HPS3: variants seen among roughly 807,000 people sequenced by gnomAD.
The protein encoded by HPS3 is HPS3 biogenesis of lysosomal organelles complex 2 subunit 1.
In HPS3, 79 loss-of-function variants were observed where a neutral mutation model predicts 110.9. The ratio of observed to expected loss-of-function variants is 0.71; its 90% CI spans 0.59 to 0.86. HPS3 has a LOEUF of 0.86. HPS3 is among the 40% of genes least tolerant of loss of function. The probability of loss-of-function intolerance (pLI) is 0.00; values close to 1 mark genes in which losing one functional copy is unlikely to be tolerated. For missense variants in HPS3, 1,197 were observed against 1,206.2 expected (o/e 0.99, Z 0.11); for synonymous variants, 428 against 451.0 (o/e 0.95, Z 0.65).
chr3:149,148,434 G>A (rs11708667), intron 5 of HPS3, among the ~76,000 whole-genome samples: 15,079 of 127,210 alleles, frequency 0.12, 1,041 homozygotes, highest in Admixed American at 0.16. Flanking sequence ...ATGGAGTGTC[G>A]CTCTGTCGCC....
At chr3:149,130,328 G>A (rs142697489) in intron 1 of HPS3, 2 of 223,418 alleles carry the variant, frequency 9.0e-6, no homozygotes, top group East Asian at 2.2e-4. Context: ...ACTGTATCCC[G>A]GAACCTCCAA....
At chr3:149,144,210 A>G in intron 4 of HPS3, among the ~76,000 whole-genome samples, 1 of 123,950 alleles carries the variant, frequency 8.1e-6, no homozygotes. Flanking sequence ...CCCCGTCTCT[A>G]CTAGAAAAAA....
chr3:149,147,733 C>T (rs1296116340), intron 5 of HPS3, among the ~76,000 whole-genome samples: 2 of 152,088 alleles, frequency 1.3e-5, no homozygotes, highest in Non-Finnish European at 2.9e-5. Flanking sequence ...GTTTTGACTG[C>T]CTCCAGACAG....
intron 4 of HPS3, among the ~76,000 whole-genome samples, chr3:149,143,188 C>T (rs990511394): frequency 1.3e-5 from 2 of 152,178 alleles, no homozygotes; most frequent in Admixed American, 6.5e-5. Context: ...CGTATATGAC[C>T]TTAACTCTAA....
intron 1 of HPS3, among the ~76,000 whole-genome samples, chr3:149,134,967 C>T (rs908005669): frequency 6.6e-6 from 1 of 152,172 alleles, no homozygotes; most frequent in Non-Finnish European, 1.5e-5. Context: ...TTTTCCACTT[C>T]ACAGCTTTTC....
At position 149,162,869 on chromosome 3, in the gene HPS3, G is replaced by A. The variant is rs201221505; in HGVS notation, c.2472G>A (p.Ser824=). 143 of 1,612,968 alleles carry A rather than the reference G, an allele frequency of 8.9e-5. No individual in the cohort carries two copies. The highest frequency in any genetic ancestry group is 2.5e-4 in the East Asian group (11 of 44,870). ...QPPDTTPLRT[S]EDLINACSHY... Reference sequence around the variant, plus strand: ...CTGACACCACACCATTGCGAACATCGGAGGATCTGGTAAGATAATGGAATA... The same window carrying A: ...CTGACACCACACCATTGCGAACATCAGAGGATCTGGTAAGATAATGGAATA... Residue 824 remains serine (S), a synonymous_variant, in exon 13 of 17, where the codon TCG becomes TCA. Coordinates refer to ENST00000296051, the MANE Select transcript of HPS3 (RefSeq NM_032383.5).
intron 8 of HPS3, 41 bp from the exon 9 acceptor site, chr3:149,157,309 G>A (rs770117428): frequency 6.4e-7 from 1 of 1,552,172 alleles, no homozygotes; most frequent in Non-Finnish European, 8.9e-7. Flanking sequence ...ACTTTTGAGA[G>A]TCTCTCTTCA....
At chr3:149,149,254 C>T (rs935158786) in intron 5 of HPS3, among the ~76,000 whole-genome samples, 89 of 151,664 alleles carry the variant, frequency 5.9e-4, no homozygotes, top group African/African-American at 2.7e-4. Context: ...TGAGCCACCA[C>T]GCCTGGCCGA....
chr3:149,171,161 C>T (rs1173561327), intron 16 of HPS3, among the ~76,000 whole-genome samples: 1 of 152,008 alleles, frequency 6.6e-6, no homozygotes, highest in East Asian at 1.9e-4. Flanking sequence ...ACCTGTAGTC[C>T]CAGCTATTTG....
intron 4 of HPS3, among the ~76,000 whole-genome samples, chr3:149,143,204 T>C (rs1323978825): frequency 1.3e-5 from 2 of 152,186 alleles, no homozygotes; most frequent in Non-Finnish European, 2.9e-5. Context: ...TCTAAGCCCA[T>C]CGTGTCCCAC....
intron 4 of HPS3, 138 bp downstream of exon 4, chr3:149,141,518 A>ATT: frequency 1.4e-5 from 8 of 560,734 alleles, no homozygotes; most frequent in African/African-American, 2.1e-5. Context: ...CCTTTAACAA[A>ATT]GTTTTTTTTT....
At position 149,162,292 on chromosome 3, in the gene HPS3, A is replaced by G. The variant is rs1559922662; in HGVS notation, c.2251A>G (p.Asn751Asp). ...LVASVLGLQKNNKIGIEEADS... is the reference protein window; with the variant it reads ...LVASVLGLQKDNKIGIEEADS... ...GGCTTCAGTTCTGGGCTTGCAGAAG[A>G]ACAACAAAATTGGAATTGAAGAAGC... The change falls in exon 12 of 17, where the codon AAC becomes GAC. Residue 751 changes from asparagine (N) to aspartate (D), a missense_variant. Asn to Asp is a conservative substitution (Grantham distance 23). Transcript: ENST00000296051. The G allele has an allele frequency of 3.1e-6, 5 of 1,614,058 alleles. No individual in the cohort carries two copies. The highest frequency in any genetic ancestry group is 4.2e-6 in the Non-Finnish European group (5 of 1,179,940).
chr3:149,143,671 C>G (rs1006012464), intron 4 of HPS3, among the ~76,000 whole-genome samples: 4 of 152,054 alleles, frequency 2.6e-5, no homozygotes, highest in African/African-American at 7.2e-5. Context: ...ATAATGGGAA[C>G]CAACATTATA....
intron 5 of HPS3, among the ~76,000 whole-genome samples, chr3:149,147,978 C>T (rs542426394): frequency 1.3e-3 from 193 of 152,194 alleles, no homozygotes; most frequent in African/African-American, 4.4e-3. Flanking sequence ...TTAAGCAATT[C>T]TCCTGCCTCA....
At chr3:149,169,496 A>C (rs1724766258) in intron 16 of HPS3, among the ~76,000 whole-genome samples, 1 of 152,214 alleles carries the variant, frequency 6.6e-6, no homozygotes, top group African/African-American at 2.4e-5. Flanking sequence ...TGGATTTCTT[A>C]TCTCTCTAAT....
chr3:149,151,203 A>AT lies in HPS3; in HGVS notation c.1245+532dup, dbSNP rs374361094. ...TTTTTGTATTATTATTATTATTATT[A>AT]TTTTTTTTTCTGCAGAGACAGGTTT... On this transcript the variant is annotated intron_variant, in intron 6 of 16. Coordinates refer to ENST00000296051, the MANE Select transcript of HPS3 (RefSeq NM_032383.5). 8.1e-3 allele frequency among the ~76,000 whole-genome samples: 1,189 copies of AT among 147,070 alleles called. 11 individuals carry two copies. The highest frequency in any genetic ancestry group is 0.019 in the African/African-American group (776 of 40,150).
intron 5 of HPS3, among the ~76,000 whole-genome samples, chr3:149,150,099 C>G (rs1406527307): frequency 6.6e-6 from 1 of 152,180 alleles, no homozygotes; most frequent in Admixed American, 6.5e-5. Flanking sequence ...TCAATTCGAC[C>G]ATTGGATTTG....
Position 149,145,378 on chromosome 3 carries a change from A to T in HPS3, c.995A>T (p.Asn332Ile). The change falls in exon 5 of 17, where the codon AAT becomes ATT. Residue 332 changes from asparagine (N) to isoleucine (I), a missense_variant. Asn to Ile is a moderately radical substitution (Grantham distance 149, BLOSUM62 -3). Coordinates refer to ENST00000296051, the MANE Select transcript of HPS3 (RefSeq NM_032383.5). ...GGTTCTCTTACATCTGATGGAAAAA[A>T]TTTGTCTCAGGAAAAAGAATTGCTG... ...QTGSLTSDGKNLSQEKELLSL... is the reference protein window; with the variant it reads ...QTGSLTSDGKILSQEKELLSL... 6.2e-7 allele frequency: 1 copy of T among 1,613,778 alleles called. No homozygotes were observed. The highest frequency in any genetic ancestry group is 1.3e-5 in the African/African-American group (1 of 74,976).
Position 149,161,758 on chromosome 3 carries a change from CCTT to C in HPS3, c.2107-389_2107-387del, listed in dbSNP as rs540964852. Reference sequence around the variant, plus strand: ...CTCCTGACCTCAAGTGATCTGCCCTCCTTGGCCTTCCAAAGTGCTGGGATTACA... The same window carrying C: ...CTCCTGACCTCAAGTGATCTGCCCTCGGCCTTCCAAAGTGCTGGGATTACA... On this transcript the variant is annotated intron_variant, in intron 11 of 16. Transcript: ENST00000296051. 1.8e-3 allele frequency among the ~76,000 whole-genome samples: 267 copies of C among 152,242 alleles called. 3 individuals carry two copies. Among genetic ancestry groups the C allele is most frequent in the African/African-American group, 5.8e-3 (240 of 41,528 alleles).
Sources: gnomAD v4.1 joint callset for allele counts (sites outside exome capture counted in the v4.1 genomes callset) on GRCh38, gnomAD v4.1.1 for gene constraint, MANE v1.5 for transcripts, NCBI Gene and HGNC (gene_info 2026-07-23, HGNC 2026-07-21) for gene names.